The following PDP1 variants were observed in gnomAD, a reference collection of about 807,000 sequenced individuals.
The protein encoded by PDP1 is pyruvate dehydrogenase phosphatase catalytic subunit 1.
Under a neutral mutation model 37.1 loss-of-function variants are expected in PDP1, and 14 were observed. The ratio of observed to expected loss-of-function variants is 0.38; its 90% CI spans 0.25 to 0.59. PDP1 has a LOEUF of 0.59. PDP1 is among the 20% of genes least tolerant of loss of function. The probability of loss-of-function intolerance (pLI) is 0.67; values close to 1 mark genes in which losing one functional copy is unlikely to be tolerated. For synonymous variants in PDP1, 251 were observed against 243.3 expected (o/e 1.03, Z -0.29); for missense variants, 544 against 655.3 (o/e 0.83, Z 1.85).
rs1810365069 is a variant in PDP1, at chr8:93,923,883, C to T, written c.*210C>T. ...CCTGCCTAGCTCAGATTTCATGGCA[C>T]CTGCACTTGAAGCAAGTCACTTCTT... On this transcript the variant is annotated 3_prime_UTR_variant, in exon 2 of 2. Coordinates refer to ENST00000297598, the MANE Select transcript of PDP1 (RefSeq NM_018444.4). This position sits in a 1 kb window ranked among gnomAD's most constrained non-coding sequence, Gnocchi z 4.3. 1 of 548,976 alleles carries T rather than the reference C, an allele frequency of 1.8e-6. No individual in the cohort carries two copies. The highest frequency in any genetic ancestry group is 3.4e-6 in the Non-Finnish European group (1 of 294,858). The allele number at this position is 548,976 out of a possible 1,614,324, so 34.0% of individuals were successfully genotyped here.
chr8:93,920,342 T>G (rs1810230969), intron 1 of PDP1, among the ~76,000 whole-genome samples: 1 of 152,220 alleles, frequency 6.6e-6, no homozygotes, highest in African/African-American at 2.4e-5. Context: ...GCTATGATAT[T>G]TGTTTAGCCG....
chr8:93,918,072 C>G (rs2130857576), intron 1 of PDP1: 1 of 1,025,200 alleles, frequency 9.8e-7, no homozygotes, highest in Admixed American at 2.2e-5. Flanking sequence ...AAGGGACAAA[C>G]GCGTCTTGGA....
chr8:93,918,170 C>T (rs1015847721), intron 1 of PDP1, among the ~76,000 whole-genome samples: 5 of 152,110 alleles, frequency 3.3e-5, no homozygotes. Context: ...TGTGGTGCTT[C>T]GTATCTTTCT....
In PDP1 at chr8:93,917,734, C is replaced by T. The variant is rs58971944; in HGVS notation, c.-45+655C>T. ...ATCCCTCCTCCATCCTCTTCCCCCCCACCTCCCAGCCCATTCACCGGGCTG... is the reference window on the plus strand; with the variant it reads ...ATCCCTCCTCCATCCTCTTCCCCCCTACCTCCCAGCCCATTCACCGGGCTG... On this transcript the variant is annotated intron_variant, in intron 1 of 1. Transcript: ENST00000297598. The T allele has an allele frequency of 8.1e-3, 10,888 of 1,349,458 alleles. 388 individuals are homozygous for T. The African/African-American group carries it at 0.088, about 11-fold the overall frequency. 83.6% of individuals were successfully genotyped at this position (1,349,458 alleles called of 1,614,324 possible).
chr8:93,922,489 G>C lies in PDP1; in HGVS notation c.430G>C (p.Asp144His). ...QTRGMLLGVFDGHAGCACSQA... is the reference protein window; with the variant it reads ...QTRGMLLGVFHGHAGCACSQA... ...CAGAGGGATGCTTTTGGGGGTTTTTGATGGCCATGCAGGTTGTGCTTGTTC... is the reference window on the plus strand; with the variant it reads ...CAGAGGGATGCTTTTGGGGGTTTTTCATGGCCATGCAGGTTGTGCTTGTTC... Residue 144 changes from aspartate (D) to histidine (H), a missense_variant, in exon 2 of 2, where the codon GAT becomes CAT. Asp to His is a moderately conservative substitution (Grantham distance 81). Around this residue, in one of 5 missense-constraint regions of PDP1, gnomAD observed 342 missense variants for 414.0 expected, o/e 0.83. Transcript: ENST00000297598. This position sits in a 1 kb window ranked among gnomAD's most constrained non-coding sequence, Gnocchi z 4.0. 6.2e-7 allele frequency: 1 copy of C among 1,614,102 alleles called. No homozygotes were observed. Among genetic ancestry groups the C allele is most frequent in the Non-Finnish European group, 8.5e-7 (1 of 1,180,036 alleles).
chr8:93,918,306 G>A (rs1036624850), intron 1 of PDP1, among the ~76,000 whole-genome samples: 1 of 152,160 alleles, frequency 6.6e-6, no homozygotes, highest in African/African-American at 2.4e-5. Flanking sequence ...CTGGGGTTCC[G>A]ACACATTAAA....
chr8:93,917,926 TC>T, intron 1 of PDP1: 1 of 1,613,940 alleles, frequency 6.2e-7, no homozygotes, highest in Non-Finnish European at 8.5e-7. Flanking sequence ...TGTGTGTGTG[TC>T]CCGGGCCCAG....
At chr8:93,920,715 G>C (rs1810241529) in intron 1 of PDP1, 2 of 786,528 alleles carry the variant, frequency 2.5e-6, no homozygotes, top group South Asian at 1.2e-4. Flanking sequence ...CCTGGAGCAA[G>C]TAAATACCTT....
chr8:93,918,709 C>T (rs144666829), intron 1 of PDP1, among the ~76,000 whole-genome samples: 1 of 152,336 alleles, frequency 6.6e-6, no homozygotes, highest in East Asian at 1.9e-4. Context: ...ATTGCCTGAT[C>T]AAGAGCCTTC....
intron 1 of PDP1, chr8:93,917,901 G>T (rs549603937): frequency 8.1e-6 from 13 of 1,613,898 alleles, no homozygotes; most frequent in African/African-American, 1.3e-5. Flanking sequence ...GCTCCGTGTT[G>T]TGATGACAGG....
At chr8:93,921,954 A>G (rs1034012368) in intron 1 of PDP1, 62 bp from the exon 2 acceptor site, 5 of 1,188,934 alleles carry the variant, frequency 4.2e-6, no homozygotes, top group Non-Finnish European at 6.0e-6. Flanking sequence ...AGGCAAAGCT[A>G]GATTAAGTAT....
At chr8:93,918,789 AT>A (rs1810168270) in intron 1 of PDP1, 1 of 152,252 alleles carries the variant, frequency 6.6e-6, no homozygotes, top group Non-Finnish European at 1.5e-5. Flanking sequence ...GAATCAGTGG[AT>A]AATCTGAAGG....
At position 93,916,927 on chromosome 8, in the gene PDP1, GC is replaced by G. The variant is rs1395557144; in HGVS notation, c.-193del. ...AACGTGCGGGCGGGGCAGGGTGGCGGCCCCGCACGGTAGGGGAGCAGAGTGG... is the reference window on the plus strand; with the variant it reads ...AACGTGCGGGCGGGGCAGGGTGGCGGCCCGCACGGTAGGGGAGCAGAGTGG... On this transcript the variant is annotated 5_prime_UTR_variant, in exon 1 of 2. Transcript: ENST00000297598. The G allele has an allele frequency of 2.8e-6, 1 of 359,192 alleles. No homozygotes were observed. Among genetic ancestry groups the G allele is most frequent in the Non-Finnish European group, 5.5e-6 (1 of 182,884 alleles). 22.3% of individuals were successfully genotyped at this position (359,192 alleles called of 1,614,324 possible).
intron 1 of PDP1, among the ~76,000 whole-genome samples, chr8:93,918,453 C>T (rs888417535): frequency 2.0e-5 from 3 of 152,262 alleles, no homozygotes; most frequent in East Asian, 3.9e-4. Context: ...AATGTCTTGG[C>T]ACAGGCTCTG....
intron 1 of PDP1, chr8:93,921,075 T>C (rs1444711424): frequency 1.0e-6 from 1 of 966,358 alleles, no homozygotes; most frequent in Non-Finnish European, 1.2e-6. Flanking sequence ...CTTAAACTTT[T>C]TTTTTTTTTT....
In PDP1 at chr8:93,924,020, C is replaced by A; in HGVS notation, c.*347C>A. On this transcript the variant is annotated 3_prime_UTR_variant, in exon 2 of 2. Coordinates refer to ENST00000297598, the MANE Select transcript of PDP1 (RefSeq NM_018444.4). ...AAGCAAGTATCTTGCTGTGTGTAGT[C>A]TCTTGGTTAAAGTGAAGAAACAGTA... The A allele has an allele frequency of 3.0e-6, 1 of 334,490 alleles. No homozygotes were observed. Among genetic ancestry groups the A allele is most frequent in the South Asian group, 2.9e-5 (1 of 34,998 alleles). 20.7% of individuals were successfully genotyped at this position (334,490 alleles called of 1,614,324 possible). A position where few individuals can be genotyped will look rare whatever the true frequency, so the allele number is the denominator to read the frequency against.
At position 93,923,375 on chromosome 8, in the gene PDP1, G is replaced by A. The variant is rs745323862; in HGVS notation, c.1316G>A (p.Gly439Asp). Reference sequence around the variant, plus strand: ...AGGATTGTGGGTGAGTACCTAACTGGCATGCATCACCAACAGCCAATAGCT... The same window carrying A: ...AGGATTGTGGGTGAGTACCTAACTGACATGCATCACCAACAGCCAATAGCT... ...VVRIVGEYLT[G>D]MHHQQPIAVG... Residue 439 changes from glycine to aspartate, a missense_variant, in exon 2 of 2, where the codon GGC becomes GAC. Coordinates refer to ENST00000297598, the MANE Select transcript of PDP1 (RefSeq NM_018444.4). The surrounding 1 kb of genome is among the most constrained non-coding windows in gnomAD (Gnocchi z 4.3). 6.2e-7 allele frequency: 1 copy of A among 1,612,244 alleles called. No homozygotes were observed. Among genetic ancestry groups the A allele is most frequent in the South Asian group, 1.1e-5 (1 of 90,972 alleles).
At chr8:93,921,931 A>G in intron 1 of PDP1, 85 bp from the exon 2 acceptor site, 1 of 929,540 alleles carries the variant, frequency 1.1e-6, no homozygotes. Flanking sequence ...GACTTGCTTA[A>G]TATTTGTTAT....
At chr8:93,921,101 C>T (rs1176362803) in intron 1 of PDP1, 15 of 980,262 alleles carry the variant, frequency 1.5e-5, no homozygotes, top group East Asian at 1.1e-4. Flanking sequence ...ATGAAGGGCA[C>T]GGTAGAATTC....
Sources: gnomAD v4.1 joint callset for allele counts (sites outside exome capture counted in the v4.1 genomes callset) on GRCh38, gnomAD v4.1.1 for gene constraint, gnomAD v4.1.1 regional missense constraint, Gnocchi (gnomAD v3.1) non-coding constraint, MANE v1.5 for transcripts, NCBI Gene and HGNC (gene_info 2026-07-23, HGNC 2026-07-21) for gene names.